IDE: variants seen among roughly 807,000 people sequenced by gnomAD.
IDE encodes the protein insulin degrading enzyme.
Under a neutral mutation model 133.2 loss-of-function variants are expected in IDE, and 58 were observed. The observed-to-expected ratio is 0.44, with a 90% CI of 0.35 to 0.54. The LOEUF (loss-of-function observed/expected upper bound fraction) is 0.54. IDE is among the 20% of genes least tolerant of loss of function. IDE has a pLI of 0.00. For missense variants in IDE, 981 were observed against 1,234.0 expected, an observed-to-expected ratio of 0.79 and a Z score of 3.07; for synonymous variants, 396 against 421.3, an observed-to-expected ratio of 0.94 and a Z score of 0.73.
chr10:92,547,249 ATT>A (rs66967152), intron 1 of IDE, among the ~76,000 whole-genome samples: 453 of 145,448 alleles, frequency 3.1e-3, no homozygotes, highest in Middle Eastern at 7.0e-3. Context: ...AATTTTTTGT[ATT>A]TTTTTTTTTT....
chr10:92,544,431 A>G (rs766872356), intron 1 of IDE, among the ~76,000 whole-genome samples: 1 of 152,198 alleles, frequency 6.6e-6, no homozygotes, highest in Non-Finnish European at 1.5e-5. Flanking sequence ...GTGCTTGCAT[A>G]CTAAAGTATA....
At chr10:92,524,263 C>T (rs1209448696) in intron 4 of IDE, among the ~76,000 whole-genome samples, 1 of 130,458 alleles carries the variant, frequency 7.7e-6, no homozygotes, top group Non-Finnish European at 1.6e-5. Context: ...TGAGATTGTG[C>T]CACTGCACTC....
At chr10:92,471,325 C>T (rs1845952239) in intron 17 of IDE, among the ~76,000 whole-genome samples, 1 of 152,162 alleles carries the variant, frequency 6.6e-6, no homozygotes. Flanking sequence ...TAAGGAGAAA[C>T]ATGGGAATGC....
intron 17 of IDE, among the ~76,000 whole-genome samples, chr10:92,470,907 T>C (rs1336509300): frequency 6.6e-6 from 1 of 152,242 alleles, no homozygotes; most frequent in Non-Finnish European, 1.5e-5. Context: ...TAAGGTGGTG[T>C]CTGCCAGATG....
At chr10:92,462,589 A>G (rs577303226) in intron 21 of IDE, among the ~76,000 whole-genome samples, 25 of 152,232 alleles carry the variant, frequency 1.6e-4, no homozygotes, top group African/African-American at 5.3e-4. Flanking sequence ...CCTGGGCAAC[A>G]AGAGCGAAAC....
chr10:92,548,086 G>A lies in IDE; in HGVS notation c.99-10536C>T, dbSNP rs1379194539. The stretch of plus-strand genomic sequence containing the variant: ...AATCAAGAGTCAGATGAGGCCAGGC[G>A]CGATGGCTCATGCCTGTAATCCCAG... On this transcript the variant is annotated intron_variant, in intron 1 of 24. Transcript: ENST00000265986. Among the ~76,000 whole-genome samples the A allele has an allele frequency of 3.3e-5, 5 of 152,036 alleles. No individual in the cohort carries two copies. The East Asian group carries it at 7.7e-4, about 23-fold the overall frequency.
At chr10:92,508,657 T>C in intron 7 of IDE, 71 bp downstream of exon 7, 1 of 1,415,168 alleles carries the variant, frequency 7.1e-7, no homozygotes, top group Non-Finnish European at 1.0e-6. Flanking sequence ...TAGGACACTA[T>C]TCAGGAGAAA....
At chr10:92,459,179 G>T (rs1845218616) in intron 22 of IDE, among the ~76,000 whole-genome samples, 1 of 152,192 alleles carries the variant, frequency 6.6e-6, no homozygotes, top group Non-Finnish European at 1.5e-5. Context: ...TTTTGCAGAA[G>T]AGTTGCTGGG....
intron 17 of IDE, among the ~76,000 whole-genome samples, chr10:92,471,784 C>T (rs958638416): frequency 1.3e-5 from 2 of 152,090 alleles, no homozygotes; most frequent in African/African-American, 2.4e-5. Context: ...GTGCAACCTC[C>T]GCCTCCTGGG....
In IDE at chr10:92,459,975, A is replaced by G. The variant is rs576692111; in HGVS notation, c.2823+1216T>C. ...CTCCTGAGTAGCTGGGATTACAGGC[A>G]CCCGCCACCATGCCCAGCTAATTTT... On this transcript the variant is annotated intron_variant, in intron 22 of 24. Transcript: ENST00000265986. Among the ~76,000 whole-genome samples, 9 of 151,512 alleles carry G rather than the reference A, an allele frequency of 5.9e-5. No homozygotes were observed. In the East Asian group the frequency reaches 1.7e-3, roughly 29 times the overall value.
At chr10:92,518,956 T>C (rs907814437) in intron 4 of IDE, among the ~76,000 whole-genome samples, 2 of 152,226 alleles carry the variant, frequency 1.3e-5, no homozygotes, top group African/African-American at 4.8e-5. Context: ...TGTAACGTTC[T>C]CTTTCTTTAA....
chr10:92,471,254 C>A (rs1178173572), intron 17 of IDE, among the ~76,000 whole-genome samples: 1 of 151,976 alleles, frequency 6.6e-6, no homozygotes, highest in Admixed American at 6.6e-5. Flanking sequence ...ATTAGGACAC[C>A]ATAGTAATAA....
At chr10:92,559,940 T>C (rs969721934) in intron 1 of IDE, among the ~76,000 whole-genome samples, 1 of 152,100 alleles carries the variant, frequency 6.6e-6, no homozygotes, top group Admixed American at 6.6e-5. Flanking sequence ...TCCCACTATG[T>C]TGCACAGGCT....
In IDE at chr10:92,464,000, T is replaced by C; in HGVS notation, c.2492A>G (p.Tyr831Cys). The change falls in exon 21 of 25, where the codon TAT becomes TGT. Residue 831 changes from tyrosine to cysteine, a missense_variant. This residue lies in a region of IDE where 660 missense variants were observed against 894.7 expected (regional missense o/e 0.74). Transcript: ENST00000265986. The part of the protein sequence containing the change: ...NTLRTKEQLG[Y>C]IVFSGPRRAN... ...TCGACGTGGCCCGCTGAAGACGATATAGCCTGAAACACAGACATCAGCCAG... is the reference window on the plus strand; with the variant it reads ...TCGACGTGGCCCGCTGAAGACGATACAGCCTGAAACACAGACATCAGCCAG... The C allele has an allele frequency of 6.2e-7, 1 of 1,611,092 alleles. No homozygotes were observed. The highest frequency in any genetic ancestry group is 1.1e-5 in the South Asian group (1 of 91,018).
At chr10:92,461,162 C>A in intron 22 of IDE, 29 bp downstream of exon 22, 2 of 1,125,156 alleles carry the variant, frequency 1.8e-6, no homozygotes, top group South Asian at 2.5e-5. Flanking sequence ...TCATATCAGT[C>A]AAAATCTAAA....
intron 17 of IDE, among the ~76,000 whole-genome samples, chr10:92,472,528 AAAT>A (rs2135381645): frequency 6.6e-6 from 1 of 152,340 alleles, no homozygotes; most frequent in South Asian, 2.1e-4. Context: ...GCAATCAACA[AAAT>A]AATGACTTTC....
intron 5 of IDE, among the ~76,000 whole-genome samples, chr10:92,513,078 C>A (rs1420696293): frequency 6.6e-6 from 1 of 152,218 alleles, no homozygotes; most frequent in African/African-American, 2.4e-5. Context: ...GGTTGTTGGA[C>A]TGTAGAATGT....
At chr10:92,545,774 T>C (rs991872128) in intron 1 of IDE, among the ~76,000 whole-genome samples, 2 of 152,142 alleles carry the variant, frequency 1.3e-5, no homozygotes, top group Non-Finnish European at 2.9e-5. Flanking sequence ...TTTACCAGAA[T>C]GGCTAAAAAG....
chr10:92,562,531 G>A (rs919036271), intron 1 of IDE, among the ~76,000 whole-genome samples: 3 of 152,130 alleles, frequency 2.0e-5, no homozygotes, highest in African/African-American at 4.8e-5. Flanking sequence ...AGAGAATAAG[G>A]CATTTTTTTC....
Sources: gnomAD v4.1 joint callset for allele counts (sites outside exome capture counted in the v4.1 genomes callset) on GRCh38, gnomAD v4.1.1 for gene constraint, gnomAD v4.1.1 regional missense constraint, MANE v1.5 for transcripts, NCBI Gene and HGNC (gene_info 2026-07-23, HGNC 2026-07-21) for gene names.